The following ZZEF1 variants were observed in gnomAD, a reference collection of about 807,000 sequenced individuals.
ZZEF1 encodes zinc finger ZZ-type and EF-hand domain containing 1, also known as zinc finger ZZ-type and EF-hand domain-containing protein 1.
A neutral mutation model predicts 342.8 loss-of-function variants in ZZEF1; 157 were observed. The ratio of observed to expected loss-of-function variants is 0.46; its 90% CI spans 0.40 to 0.52. The LOEUF is 0.52. ZZEF1 is among the 20% of genes least tolerant of loss of function. The pLI, the probability that ZZEF1 is intolerant of heterozygous loss-of-function variation, is 0.00. For missense variants in ZZEF1, 3,480 were observed against 3,725.6 expected, an observed-to-expected ratio of 0.93 and a Z score of 1.72; for synonymous variants, 1,505 against 1,429.1, an observed-to-expected ratio of 1.05 and a Z score of -1.20.
intron 3 of ZZEF1, 111 bp from the exon 4 acceptor site, chr17:4,114,581 C>T: frequency 2.2e-6 from 2 of 895,606 alleles, no homozygotes; most frequent in Admixed American, 3.2e-5. Flanking sequence ...CCTAGAAACA[C>T]AAATCTTCCT....
intron 14 of ZZEF1, 83 bp downstream of exon 14, chr17:4,087,351 T>G: frequency 1.8e-6 from 2 of 1,134,818 alleles, no homozygotes; most frequent in Non-Finnish European, 2.5e-6. Context: ...AAAAAAAAAA[T>G]TAGGAAAAAA....
intron 11 of ZZEF1, among the ~76,000 whole-genome samples, chr17:4,095,137 G>A (rs1425922313): frequency 1.3e-5 from 2 of 152,036 alleles, no homozygotes; most frequent in African/African-American, 2.4e-5. Flanking sequence ...GGACCTGCCC[G>A]TTCCTTCAAT....
At position 4,017,649 on chromosome 17, in the gene ZZEF1, G is replaced by A. The variant is rs973829582; in HGVS notation, c.7723C>T (p.Leu2575=). 46 of 1,614,032 alleles carry A rather than the reference G, an allele frequency of 2.9e-5. No homozygotes were observed. The highest frequency in any genetic ancestry group is 3.5e-5 in the Non-Finnish European group (41 of 1,180,052). ...CGCTGCTTGGCATAGCTCTGCTGCA[G>A]TTCGCTCTCTGTGCTGGAGATCAGC... ...QKLISSTESE[L]QQSYAKQRRS... Residue 2575 remains leucine (L), a synonymous_variant, in exon 48 of 55, where the codon CTG becomes TTG. Coordinates refer to ENST00000381638, the MANE Select transcript of ZZEF1 (RefSeq NM_015113.4). This position sits in a 1 kb window ranked among gnomAD's most constrained non-coding sequence, Gnocchi z 5.1.
Position 4,013,475 on chromosome 17 carries a change from C to T in ZZEF1, c.8553G>A (p.Leu2851=). Reference sequence around the variant, plus strand: ...TGTGGCCGCAGCATCGCACAATCCTCAGAAGTAAGTGGATGGCTTTTAATC... The same window carrying T: ...TGTGGCCGCAGCATCGCACAATCCTTAGAAGTAAGTGGATGGCTTTTAATC... ...HQRLKAIHLL[L]RIVRCCGHSD... is the part of the protein sequence containing the mutation. Residue 2851 remains leucine, a synonymous_variant, in exon 52 of 55, where the codon CTG becomes CTA. Transcript: ENST00000381638. 6.2e-7 allele frequency: 1 copy of T among 1,612,958 alleles called. No homozygotes were observed. The highest frequency in any genetic ancestry group is 8.5e-7 in the Non-Finnish European group (1 of 1,179,384).
intron 39 of ZZEF1, among the ~76,000 whole-genome samples, chr17:4,034,921 C>T (rs8079766): frequency 0.37 from 55,690 of 151,940 alleles, 10,513 homozygotes; most frequent in Admixed American, 0.48. Context: ...TTGCTTGAGC[C>T]CAGGAGGTGG....
intron 8 of ZZEF1, among the ~76,000 whole-genome samples, chr17:4,103,946 T>C (rs1013328485): frequency 6.6e-6 from 1 of 152,072 alleles, no homozygotes; most frequent in African/African-American, 2.4e-5. Context: ...GGTAGAAATG[T>C]CACTGGAATA....
chr17:4,123,768 A>T, intron 2 of ZZEF1, 139 bp downstream of exon 2: 3 of 945,328 alleles, frequency 3.2e-6, no homozygotes. Context: ...TGACTAAAGG[A>T]AATGCTAATT....
chr17:4,112,269 C>T (rs2058324892), intron 5 of ZZEF1, among the ~76,000 whole-genome samples: 1 of 150,964 alleles, frequency 6.6e-6, no homozygotes, highest in Non-Finnish European at 1.5e-5. Flanking sequence ...CCTTAGCCCC[C>T]CAAGTGGCTG....
In ZZEF1 at chr17:4,013,316, G is replaced by C. The variant is rs1002979808; in HGVS notation, c.8579+133C>G. 1.0e-5 allele frequency: 9 copies of C among 883,582 alleles called. No individual in the cohort carries two copies. In the Admixed American group the frequency reaches 1.1e-4, roughly 11 times the overall value. 54.7% of individuals were successfully genotyped at this position (883,582 alleles called of 1,614,324 possible). On this transcript the variant is annotated intron_variant, in intron 52 of 54. Coordinates refer to ENST00000381638, the MANE Select transcript of ZZEF1 (RefSeq NM_015113.4). ...CCAAGAACGCTAGCATAAAGCAAAT[G>C]ACTGAAAAACTGGAAGACATTAAAG...
chr17:4,140,376 T>A (rs942668007), intron 1 of ZZEF1, among the ~76,000 whole-genome samples: 2 of 152,234 alleles, frequency 1.3e-5, no homozygotes, highest in Non-Finnish European at 2.9e-5. Flanking sequence ...GCTGAAATGT[T>A]ACCTTCTCAG....
At chr17:4,100,148 G>A (rs2058103111) in intron 9 of ZZEF1, among the ~76,000 whole-genome samples, 1 of 152,128 alleles carries the variant, frequency 6.6e-6, no homozygotes, top group Non-Finnish European at 1.5e-5. Context: ...AGAATCAGAC[G>A]TGTACCCATG....
chr17:4,085,635 T>G (rs774268573), intron 16 of ZZEF1, 35 bp downstream of exon 16: 11 of 1,611,744 alleles, frequency 6.8e-6, no homozygotes, highest in South Asian at 6.6e-5. Context: ...CTCACAGACT[T>G]CAGACATTGA....
intron 26 of ZZEF1, 118 bp from the exon 27 acceptor site, chr17:4,067,360 C>T: frequency 5.9e-6 from 4 of 680,268 alleles, no homozygotes; most frequent in East Asian, 3.1e-5. Flanking sequence ...GACAATCACA[C>T]ATTGAGGATG....
intron 34 of ZZEF1, among the ~76,000 whole-genome samples, chr17:4,053,455 G>A (rs1232596263): frequency 6.6e-6 from 1 of 152,176 alleles, no homozygotes; most frequent in African/African-American, 2.4e-5. Context: ...AGCCTTCCCT[G>A]CAGCAATGCT....
Position 4,032,337 on chromosome 17 carries a change from C to T in ZZEF1, c.6760-79G>A. On this transcript the variant is annotated intron_variant, in intron 41 of 54. Coordinates refer to ENST00000381638, the MANE Select transcript of ZZEF1 (RefSeq NM_015113.4). ...GAATTCTTAGGCATAAGCCCAGCCC[C>T]CTTTGATTGTGCCTCTGATTTCAAC... The T allele has an allele frequency of 3.4e-6, 5 of 1,473,760 alleles. No homozygotes were observed. The South Asian group carries it at 5.2e-5, about 15-fold the overall frequency. The allele number at this position is 1,473,760 out of a possible 1,614,324, so 91.3% of individuals were successfully genotyped here. A position where few individuals can be genotyped will look rare whatever the true frequency, so the allele number is the denominator to read the frequency against.
intron 13 of ZZEF1, among the ~76,000 whole-genome samples, chr17:4,087,783 AACACACACACACACACACAC>A (rs10522603): frequency 0.52 from 75,602 of 146,054 alleles, 21,411 homozygotes; most frequent in East Asian, 0.73. Flanking sequence ...ATATACACAC[AACACACACACACACACACAC>A]ACACACACAC....
chr17:4,071,909 C>T (rs554656528), intron 25 of ZZEF1, among the ~76,000 whole-genome samples: 2 of 151,984 alleles, frequency 1.3e-5, no homozygotes, highest in South Asian at 2.1e-4. Context: ...TCTTGGTGGG[C>T]TGTGGGGAAG....
At chr17:4,065,251 A>G (rs1294258791) in intron 28 of ZZEF1, among the ~76,000 whole-genome samples, 1 of 151,914 alleles carries the variant, frequency 6.6e-6, no homozygotes, top group East Asian at 1.9e-4. Flanking sequence ...CAATAAATTA[A>G]CCAGACATGG....
chr17:4,033,762 G>A, intron 40 of ZZEF1: 1 of 540,452 alleles, frequency 1.9e-6, no homozygotes, highest in Non-Finnish European at 3.3e-6. Flanking sequence ...ATTAAAAACA[G>A]AATATGCCTC....
Sources: allele counts gnomAD v4.1 joint callset (sites outside exome capture counted in the v4.1 genomes callset), GRCh38; gene constraint gnomAD v4.1.1; non-coding constraint Gnocchi (gnomAD v3.1); transcripts MANE v1.5; gene names NCBI Gene and HGNC (gene_info 2026-07-23, HGNC 2026-07-21).